The following GRK3 variants were observed in gnomAD, a reference collection of about 807,000 sequenced individuals.
GRK3 encodes the protein adrenergic, beta, receptor kinase 2.
In GRK3, 54 loss-of-function variants were observed where a neutral mutation model predicts 95.7. That is an observed-to-expected ratio of 0.56 (90% CI 0.45 to 0.71). The LOEUF (loss-of-function observed/expected upper bound fraction) is 0.71, where lower values mean the gene tolerates loss of function less well. GRK3 is among the 30% of genes least tolerant of loss of function. GRK3 has a pLI of 0.00. For missense variants in GRK3, 649 were observed against 851.2 expected (o/e 0.76, Z 2.96); for synonymous variants, 281 against 290.8 (o/e 0.97, Z 0.34).
intron 2 of GRK3, among the ~76,000 whole-genome samples, chr22:25,623,647 C>T (rs773528756): frequency 6.6e-6 from 1 of 152,244 alleles, no homozygotes; most frequent in African/African-American, 2.4e-5. Context: ...TATTCATGCA[C>T]ACGCACATAT....
At chr22:25,617,850 C>G (rs1057076103) in intron 2 of GRK3, among the ~76,000 whole-genome samples, 2 of 152,132 alleles carry the variant, frequency 1.3e-5, no homozygotes, top group Non-Finnish European at 2.9e-5. Flanking sequence ...GATCTCGGCT[C>G]CATGCAACCT....
chr22:25,598,891 G>T (rs779148561), intron 1 of GRK3, among the ~76,000 whole-genome samples: 4 of 152,014 alleles, frequency 2.6e-5, no homozygotes, highest in Non-Finnish European at 5.9e-5. Flanking sequence ...ATGGAGGGGA[G>T]AAATCCTCAC....
At chr22:25,652,090 A>G (rs1344119657) in intron 3 of GRK3, among the ~76,000 whole-genome samples, 1 of 152,248 alleles carries the variant, frequency 6.6e-6, no homozygotes, top group Non-Finnish European at 1.5e-5. Flanking sequence ...GGATTTGTCA[A>G]TAGTGGACCT....
intron 9 of GRK3, among the ~76,000 whole-genome samples, chr22:25,679,766 G>A (rs934465007): frequency 2.6e-5 from 4 of 152,116 alleles, no homozygotes; most frequent in African/African-American, 4.8e-5. Flanking sequence ...GCGTGGAGGG[G>A]CCAGACACTA....
chr22:25,571,343 A>G lies in GRK3; in HGVS notation c.113+6190A>G, dbSNP rs565029631. On this transcript the variant is annotated intron_variant, in intron 1 of 20. Coordinates refer to ENST00000324198, the MANE Select transcript of GRK3 (RefSeq NM_005160.4). Reference sequence around the variant, plus strand: ...TAAATTTGCTGTATTTAGTTTCTCCATCAGTAAAATACATTATCTATTTCT... The same window carrying G: ...TAAATTTGCTGTATTTAGTTTCTCCGTCAGTAAAATACATTATCTATTTCT... Among the ~76,000 whole-genome samples the G allele has an allele frequency of 7.2e-5, 11 of 152,354 alleles. 1 individual carries two copies. Among genetic ancestry groups the G allele is most frequent in the African/African-American group, 2.4e-4 (10 of 41,590 alleles).
chr22:25,703,308 T>A (rs139449921), intron 13 of GRK3, among the ~76,000 whole-genome samples: 1 of 152,368 alleles, frequency 6.6e-6, no homozygotes, highest in African/African-American at 2.4e-5. Flanking sequence ...GCAGTTCAAG[T>A]AAGATACAAG....
At chr22:25,567,971 CTT>C (rs1963288857) in intron 1 of GRK3, among the ~76,000 whole-genome samples, 1 of 152,208 alleles carries the variant, frequency 6.6e-6, no homozygotes, top group Non-Finnish European at 1.5e-5. Flanking sequence ...TATGTTGACA[CTT>C]TATTCAGTTA....
At chr22:25,704,026 C>A in intron 14 of GRK3, 83 bp from the exon 15 acceptor site, 1 of 960,530 alleles carries the variant, frequency 1.0e-6, no homozygotes, top group Non-Finnish European at 1.6e-6. Flanking sequence ...ATGCTTATCC[C>A]AGTAATAGTC....
intron 3 of GRK3, among the ~76,000 whole-genome samples, chr22:25,655,013 C>CCTT (rs2084859984): frequency 6.6e-6 from 1 of 152,106 alleles, no homozygotes; most frequent in South Asian, 2.1e-4. Flanking sequence ...GTCAATGCAG[C>CCTT]CTTTACACTT....
At chr22:25,616,432 C>T (rs112932628) in intron 2 of GRK3, among the ~76,000 whole-genome samples, 30 of 152,088 alleles carry the variant, frequency 2.0e-4, no homozygotes, top group African/African-American at 6.0e-4. Context: ...AGGTGCCACA[C>T]GCTGTTAAAC....
Position 25,724,508 on chromosome 22 carries a change from C to A in GRK3, c.*2058C>A, listed in dbSNP as rs1044552751. On this transcript the variant is annotated 3_prime_UTR_variant, in exon 21 of 21. Coordinates refer to ENST00000324198, the MANE Select transcript of GRK3 (RefSeq NM_005160.4). ...AAGAATAGAACATAAGGCTCCACTC[C>A]CTTTTAGAAAAGATATATGAATTGG... 1.5e-4 allele frequency: 23 copies of A among 152,162 alleles called. No individual in the cohort carries two copies. Among genetic ancestry groups the A allele is most frequent in the African/African-American group, 5.3e-4 (22 of 41,434 alleles). 9.4% of individuals were successfully genotyped at this position (152,162 alleles called of 1,614,324 possible).
chr22:25,607,790 A>T (rs1447383833), intron 2 of GRK3, among the ~76,000 whole-genome samples: 1 of 150,070 alleles, frequency 6.7e-6, no homozygotes, highest in Non-Finnish European at 1.5e-5. Flanking sequence ...TATGTTGGCC[A>T]GGCTGGTCTC....
intron 1 of GRK3, among the ~76,000 whole-genome samples, chr22:25,594,066 G>A (rs999821338): frequency 3.3e-5 from 5 of 152,098 alleles, no homozygotes; most frequent in Non-Finnish European, 7.4e-5. Context: ...TTTTTCTTAA[G>A]ATTACTTTGG....
intron 17 of GRK3, among the ~76,000 whole-genome samples, chr22:25,712,752 C>A (rs972740620): frequency 1.3e-5 from 2 of 152,238 alleles, no homozygotes; most frequent in East Asian, 3.9e-4. Context: ...CTGAAGGCTA[C>A]AGGCATATAG....
At chr22:25,669,962 G>A (rs544945421) in intron 6 of GRK3, among the ~76,000 whole-genome samples, 1 of 152,306 alleles carries the variant, frequency 6.6e-6, no homozygotes, top group Non-Finnish European at 1.5e-5. Context: ...ATGTGGTTTT[G>A]CCTTTTGCAT....
At chr22:25,617,360 G>A (rs901262589) in intron 2 of GRK3, among the ~76,000 whole-genome samples, 6 of 152,116 alleles carry the variant, frequency 3.9e-5, no homozygotes, top group African/African-American at 7.2e-5. Flanking sequence ...AGCTTGCTGG[G>A]AATAGTGATT....
chr22:25,669,288 C>T (rs2146409923), intron 6 of GRK3, among the ~76,000 whole-genome samples: 2 of 152,228 alleles, frequency 1.3e-5, no homozygotes, highest in South Asian at 4.2e-4. Flanking sequence ...GATGTCTTCC[C>T]ACCTTCCCTG....
intron 2 of GRK3, among the ~76,000 whole-genome samples, chr22:25,629,111 G>A (rs2084647303): frequency 6.6e-6 from 1 of 152,178 alleles, no homozygotes; most frequent in Non-Finnish European, 1.5e-5. Context: ...ATCATGCTCT[G>A]AAAATGGTAA....
chr22:25,631,412 G>A (rs1044852851), intron 2 of GRK3, among the ~76,000 whole-genome samples: 3 of 152,190 alleles, frequency 2.0e-5, no homozygotes, highest in African/African-American at 7.2e-5. Flanking sequence ...TGAGAACTAT[G>A]CAAGTGATCA....
Sources: gnomAD v4.1 joint callset for allele counts (sites outside exome capture counted in the v4.1 genomes callset) on GRCh38, gnomAD v4.1.1 for gene constraint, MANE v1.5 for transcripts, NCBI Gene and HGNC (gene_info 2026-07-23, HGNC 2026-07-21) for gene names.